Variants in INPP4B observed in about 807,000 individuals in gnomAD.
INPP4B encodes inositol polyphosphate-4-phosphatase type II B, also known as inositol polyphosphate 4-phosphatase type II.
A neutral mutation model predicts 122.5 loss-of-function variants in INPP4B; 55 were observed. The observed-to-expected ratio is 0.45, with a 90% confidence interval of 0.36 to 0.56. The LOEUF (loss-of-function observed/expected upper bound fraction) is 0.56, where lower values mean the gene tolerates loss of function less well. Ranked by LOEUF, INPP4B falls within the 20% of genes least tolerant of loss-of-function variation. INPP4B has a pLI of 0.00. For missense variants in INPP4B, 1,000 were observed against 1,097.7 expected (o/e 0.91, Z 1.26); for synonymous variants, 403 against 388.7 (o/e 1.04, Z -0.43).
At chr4:142,369,646 G>C (rs1789045329) in intron 7 of INPP4B, among the ~76,000 whole-genome samples, 1 of 150,648 alleles carries the variant, frequency 6.6e-6, no homozygotes, top group Non-Finnish European at 1.5e-5. Context: ...AATAAAAAAG[G>C]CTGGGCTCAG....
chr4:142,749,912 AAT>A (rs1353335942), intron 1 of INPP4B, among the ~76,000 whole-genome samples: 1 of 152,062 alleles, frequency 6.6e-6, no homozygotes, highest in Non-Finnish European at 1.5e-5. Context: ...AGAGCCACAC[AAT>A]AATAGATGAA....
At chr4:142,247,769 GTTTT>G (rs1211511617) in intron 11 of INPP4B, among the ~76,000 whole-genome samples, 1 of 152,026 alleles carries the variant, frequency 6.6e-6, no homozygotes, top group Non-Finnish European at 1.5e-5. Context: ...TTTTGGAAGG[GTTTT>G]TTGTGTCTCT....
chr4:142,526,730 T>C (rs1276904122), intron 2 of INPP4B, among the ~76,000 whole-genome samples: 1 of 152,080 alleles, frequency 6.6e-6, no homozygotes, highest in African/African-American at 2.4e-5. Flanking sequence ...GATAGTTCTT[T>C]AGTGTTTCTC....
At chr4:142,637,006 A>C (rs1749301422) in intron 2 of INPP4B, among the ~76,000 whole-genome samples, 1 of 152,064 alleles carries the variant, frequency 6.6e-6, no homozygotes, top group South Asian at 2.1e-4. Flanking sequence ...AATGGGTCAT[A>C]CTCTTATTTA....
chr4:142,160,227 G>T, intron 17 of INPP4B, 131 bp downstream of exon 17: 2 of 589,950 alleles, frequency 3.4e-6, no homozygotes, highest in East Asian at 3.1e-5. Context: ...GAAAAATGTG[G>T]CCTATTTATC....
chr4:142,610,629 T>A lies in INPP4B; in HGVS notation c.-191+115210A>T, dbSNP rs147278872. On this transcript the variant is annotated intron_variant, in intron 2 of 25. Transcript: ENST00000262992. ...CTATGTTTATAGCTATACTCCTAAT[T>A]AGTTGTGTGGTATTAGAAAAACTGC... 8.5e-5 allele frequency among the ~76,000 whole-genome samples: 13 copies of A among 152,312 alleles called. No homozygotes were observed. In the East Asian group the frequency reaches 2.5e-3, roughly 29 times the overall value.
Position 142,129,520 on chromosome 4 carries a change from G to A in INPP4B, c.1721-4760C>T, listed in dbSNP as rs192970986. ...CCTTTGTATGGGCATAATACACGTC[G>A]CCAACTTTGGTCATAGACCCTAGAC... is the stretch of plus-strand genomic sequence containing the variant. On this transcript the variant is annotated intron_variant, in intron 18 of 25. Coordinates refer to ENST00000262992, the MANE Select transcript of INPP4B (RefSeq NM_001101669.3). 3.8e-3 allele frequency among the ~76,000 whole-genome samples: 582 copies of A among 152,218 alleles called. 4 individuals are homozygous for A. The highest frequency in any genetic ancestry group is 7.6e-3 in the Admixed American group (116 of 15,288).
chr4:142,537,469 G>GAGAGAC (rs1828412667), intron 2 of INPP4B, among the ~76,000 whole-genome samples: 1 of 87,788 alleles, frequency 1.1e-5, no homozygotes, highest in Non-Finnish European at 2.3e-5. Flanking sequence ...GAGAGAGAGA[G>GAGAGAC]AGATACACAT....
At chr4:142,538,629 T>C (rs189318157) in intron 2 of INPP4B, among the ~76,000 whole-genome samples, 3 of 152,206 alleles carry the variant, frequency 2.0e-5, no homozygotes, top group Non-Finnish European at 4.4e-5. Context: ...CTTAAAGTAA[T>C]TTGAAGTGTT....
intron 7 of INPP4B, among the ~76,000 whole-genome samples, chr4:142,384,508 TATATCTAAAC>T (rs564012826): frequency 8.1e-4 from 124 of 152,300 alleles, no homozygotes; most frequent in African/African-American, 2.8e-3. Flanking sequence ...TAAGTATTTG[TATATCTAAAC>T]ATATCTAAAC....
intron 7 of INPP4B, among the ~76,000 whole-genome samples, chr4:142,363,364 T>C (rs764282216): frequency 6.6e-6 from 1 of 151,902 alleles, no homozygotes. Flanking sequence ...TGTGTGTGTA[T>C]ACACATGCCA....
intron 14 of INPP4B, among the ~76,000 whole-genome samples, chr4:142,197,074 C>T (rs1450534930): frequency 7.8e-6 from 1 of 127,830 alleles, no homozygotes; most frequent in Non-Finnish European, 1.6e-5. Flanking sequence ...TGCAGTGAGC[C>T]GAGATCGCGC....
chr4:142,092,940 A>G (rs753947319), intron 23 of INPP4B, among the ~76,000 whole-genome samples: 3 of 152,158 alleles, frequency 2.0e-5, no homozygotes, highest in Non-Finnish European at 4.4e-5. Flanking sequence ...CGTGGAATGT[A>G]TGTCTCCTCA....
intron 2 of INPP4B, among the ~76,000 whole-genome samples, chr4:142,685,297 C>T (rs1378343318): frequency 7.1e-6 from 1 of 141,630 alleles, no homozygotes; most frequent in African/African-American, 2.4e-5. Context: ...TATAGATCCT[C>T]GTTGACTGAA....
intron 7 of INPP4B, 109 bp from the exon 8 acceptor site, chr4:142,314,871 T>C (rs999772123): frequency 6.7e-5 from 56 of 838,834 alleles, no homozygotes; most frequent in Non-Finnish European, 1.0e-4. Context: ...TCAGACTCTG[T>C]GGTTAATCAT....
At chr4:142,575,692 C>T (rs919317521) in intron 2 of INPP4B, among the ~76,000 whole-genome samples, 1 of 152,008 alleles carries the variant, frequency 6.6e-6, no homozygotes, top group Non-Finnish European at 1.5e-5. Flanking sequence ...ATAAATATTA[C>T]TATTATTGGC....
rs200368901 is a variant in INPP4B, at chr4:142,026,972, A to T, written c.*1810T>A. The T allele has an allele frequency of 2.1e-5, 2 of 95,902 alleles. No individual in the cohort carries two copies. The highest frequency in any genetic ancestry group is 4.5e-5 in the Non-Finnish European group (2 of 44,202). The allele number at this position is 95,902 out of a possible 1,614,324, so 5.9% of individuals were successfully genotyped here. ...AAGGAGGCCTCTGTCATCCCAGCCT[A>T]TCTTAAATCTAATAGGGTAATGAAA... On this transcript the variant is annotated 3_prime_UTR_variant, in exon 26 of 26. Coordinates refer to ENST00000262992, the MANE Select transcript of INPP4B (RefSeq NM_001101669.3).
At chr4:142,317,726 C>A (rs933143922) in intron 7 of INPP4B, among the ~76,000 whole-genome samples, 3 of 152,176 alleles carry the variant, frequency 2.0e-5, no homozygotes, top group Non-Finnish European at 4.4e-5. Flanking sequence ...AGCTAAATGT[C>A]ACTTTTTCCT....
intron 2 of INPP4B, among the ~76,000 whole-genome samples, chr4:142,562,712 A>C (rs1263109181): frequency 6.6e-6 from 1 of 152,186 alleles, no homozygotes; most frequent in African/African-American, 2.4e-5. Flanking sequence ...ATAAGAAAAA[A>C]AAATAGAGAG....
Sources: allele counts gnomAD v4.1 joint callset (sites outside exome capture counted in the v4.1 genomes callset), GRCh38; gene constraint gnomAD v4.1.1; transcripts MANE v1.5; gene names NCBI Gene and HGNC (gene_info 2026-07-23, HGNC 2026-07-21).